The following ZYG11B variants were observed in gnomAD, a reference collection of about 807,000 sequenced individuals.
The protein encoded by ZYG11B is protein zyg-11 homolog B.
Under a neutral mutation model 82.4 loss-of-function variants are expected in ZYG11B, and 36 were observed. The ratio of observed to expected loss-of-function variants is 0.44; its 90% confidence interval spans 0.33 to 0.58. The LOEUF is 0.58. ZYG11B is among the 20% of genes least tolerant of loss of function. The pLI, the probability that ZYG11B is intolerant of heterozygous loss-of-function variation, is 0.02. For synonymous variants in ZYG11B, 303 were observed against 312.8 expected (o/e 0.97, Z 0.33); for missense variants, 552 against 895.6 (o/e 0.62, Z 4.90).
Position 52,821,921 on chromosome 1 carries a change from G to C in ZYG11B, c.*292G>C, listed in dbSNP as rs1330233525. On this transcript the variant is annotated 3_prime_UTR_variant, in exon 14 of 14. Transcript: ENST00000294353. ...TGAGATTCTACAGTTTTATGGTAAA[G>C]TTTGCACGAACCCTTAGGCCAGACT... 2 of 258,654 alleles carry C rather than the reference G, an allele frequency of 7.7e-6. No individual in the cohort carries two copies. 16.0% of individuals were successfully genotyped at this position (258,654 alleles called of 1,614,324 possible). A position where few individuals can be genotyped will look rare whatever the true frequency, so the allele number is the denominator to read the frequency against.
intron 12 of ZYG11B, among the ~76,000 whole-genome samples, chr1:52,814,236 G>C (rs1179906529): frequency 6.6e-6 from 1 of 152,138 alleles, no homozygotes; most frequent in East Asian, 1.9e-4. Context: ...GGCCAGGCTG[G>C]TCTTGAACTC....
chr1:52,819,500 ATT>A (rs947544761), intron 13 of ZYG11B, among the ~76,000 whole-genome samples: 2 of 152,056 alleles, frequency 1.3e-5, no homozygotes, highest in African/African-American at 2.4e-5. Flanking sequence ...ATAATAGTGC[ATT>A]TTTGGCTGGG....
Position 52,771,065 on chromosome 1 carries a change from T to C in ZYG11B, c.242T>C (p.Met81Thr). 6.2e-7 allele frequency: 1 copy of C among 1,614,076 alleles called. No individual in the cohort carries two copies. The change falls in exon 3 of 14, where the codon ATG becomes ACG. Residue 81 changes from methionine to threonine, a missense_variant. By Grantham distance (81) the Met-to-Thr change is moderately conservative. Transcript: ENST00000294353. This position sits in a 1 kb window ranked among gnomAD's most constrained non-coding sequence, Gnocchi z 5.4. ...GTGGGTATTTTTAGGGGCAACCAGA[T>C]GCGCTTAAAGCGAGCCTGCATTCGC... Reference protein sequence around the residue: ...GTVGIFRGNQMRLKRACIRKA... With the variant: ...GTVGIFRGNQTRLKRACIRKA...
intron 10 of ZYG11B, among the ~76,000 whole-genome samples, chr1:52,812,121 C>T (rs1294342545): frequency 6.6e-6 from 1 of 151,796 alleles, no homozygotes; most frequent in Middle Eastern, 3.2e-3. Context: ...TTTATAATAG[C>T]TGCTTTAAGT....
At chr1:52,776,229 A>AAAAAAAATATATATATATAT in intron 3 of ZYG11B, among the ~76,000 whole-genome samples, 4 of 23,540 alleles carry the variant, frequency 1.7e-4, no homozygotes, top group African/African-American at 2.8e-4. Flanking sequence ...TAAAAAAAAA[A>AAAAAAAATATATATATATAT]ATATATATAT....
At chr1:52,788,365 A>ACT (rs1644930763) in intron 5 of ZYG11B, among the ~76,000 whole-genome samples, 2 of 152,206 alleles carry the variant, frequency 1.3e-5, no homozygotes, top group South Asian at 4.1e-4. Flanking sequence ...CAAATGCAGT[A>ACT]AGGCATAGAT....
At chr1:52,818,857 G>A (rs923191253) in intron 13 of ZYG11B, among the ~76,000 whole-genome samples, 1 of 148,218 alleles carries the variant, frequency 6.7e-6, no homozygotes, top group Non-Finnish European at 1.5e-5. Flanking sequence ...GCAGTGACAC[G>A]ATCTCAGCTC....
At chr1:52,776,245 TGC>T (rs1222878842) in intron 3 of ZYG11B, among the ~76,000 whole-genome samples, 402 of 76,414 alleles carry the variant, frequency 5.3e-3, no homozygotes, top group Non-Finnish European at 8.7e-3. Flanking sequence ...TATATATATA[TGC>T]AATAAAGTTG....
intron 4 of ZYG11B, among the ~76,000 whole-genome samples, chr1:52,781,922 T>C (rs181744178): frequency 1.9e-4 from 29 of 152,176 alleles, no homozygotes; most frequent in African/African-American, 3.6e-4. Flanking sequence ...ACTTGGTATA[T>C]GAATTGTCTT....
At chr1:52,817,134 G>A (rs1315969301) in intron 13 of ZYG11B, among the ~76,000 whole-genome samples, 3 of 152,022 alleles carry the variant, frequency 2.0e-5, no homozygotes. Flanking sequence ...TGAGCATGGT[G>A]TAACTAGACA....
chr1:52,809,788 G>A (rs1432972680), intron 10 of ZYG11B, among the ~76,000 whole-genome samples: 1 of 151,928 alleles, frequency 6.6e-6, no homozygotes, highest in Non-Finnish European at 1.5e-5. Context: ...ATTTGTATGG[G>A]TTTATTGGCC....
chr1:52,733,171 ATTATC>A (rs562080047), intron 1 of ZYG11B, among the ~76,000 whole-genome samples: 8 of 152,142 alleles, frequency 5.3e-5, no homozygotes, highest in South Asian at 4.1e-4. Context: ...TGTACGTAAA[ATTATC>A]TTAAGTTACT....
chr1:52,781,628 G>A lies in ZYG11B; in HGVS notation c.1092+1635G>A, dbSNP rs535242926. ...TAATTCCAAGGTAATTCTTACGCACGTTCAATTTTGAAAACCAATGAGCTT... is the reference window on the plus strand; with the variant it reads ...TAATTCCAAGGTAATTCTTACGCACATTCAATTTTGAAAACCAATGAGCTT... On this transcript the variant is annotated intron_variant, in intron 4 of 13. Transcript: ENST00000294353. 2.0e-5 allele frequency among the ~76,000 whole-genome samples: 3 copies of A among 152,244 alleles called. No homozygotes were observed. In the South Asian group the frequency reaches 6.2e-4, roughly 32 times the overall value.
At chr1:52,757,441 C>T (rs995280890) in intron 2 of ZYG11B, among the ~76,000 whole-genome samples, 5 of 151,878 alleles carry the variant, frequency 3.3e-5, no homozygotes, top group African/African-American at 7.3e-5. Flanking sequence ...TTTGGGAGGC[C>T]GAGGCAGGTG....
At chr1:52,743,162 C>T (rs113854059) in intron 1 of ZYG11B, among the ~76,000 whole-genome samples, 5,879 of 151,936 alleles carry the variant, frequency 0.039, 360 homozygotes, top group African/African-American at 0.13. Flanking sequence ...GTTGCTGTGT[C>T]TGTGTAGAGG....
At chr1:52,797,376 TATATA>T (rs1645030857) in intron 8 of ZYG11B, among the ~76,000 whole-genome samples, 2 of 85,176 alleles carry the variant, frequency 2.3e-5, no homozygotes, top group Non-Finnish European at 4.3e-5. Flanking sequence ...TAATATATAA[TATATA>T]ATACATATAT....
At chr1:52,766,942 A>C (rs1644694951) in intron 2 of ZYG11B, among the ~76,000 whole-genome samples, 1 of 151,614 alleles carries the variant, frequency 6.6e-6, no homozygotes, top group Non-Finnish European at 1.5e-5. Context: ...CGGGAGGTAG[A>C]GCTTGCAGTG....
intron 1 of ZYG11B, among the ~76,000 whole-genome samples, chr1:52,729,127 G>A (rs1247351659): frequency 2.0e-5 from 3 of 152,124 alleles, no homozygotes; most frequent in Admixed American, 2.0e-4. Flanking sequence ...TCTCGTGAGG[G>A]CTCTTCCTAA....
Position 52,771,697 on chromosome 1 carries a change from C to T in ZYG11B, c.874C>T (p.Pro292Ser). 1.2e-6 allele frequency: 2 copies of T among 1,614,152 alleles called. No individual in the cohort carries two copies. Among genetic ancestry groups the T allele is most frequent in the African/African-American group, 1.3e-5 (1 of 75,034 alleles). The change falls in exon 3 of 14, where the codon CCA becomes TCA. Residue 292 changes from proline to serine, a missense_variant. Pro to Ser is a moderately conservative substitution (Grantham distance 74, BLOSUM62 -1). Around this residue, in one of 3 missense-constraint regions of ZYG11B, gnomAD observed 359 missense variants for 555.8 expected, o/e 0.65. Coordinates refer to ENST00000294353, the MANE Select transcript of ZYG11B (RefSeq NM_024646.3). This position sits in a 1 kb window ranked among gnomAD's most constrained non-coding sequence, Gnocchi z 5.4. ...KAVEAFIQQR[P>S]SMQFVGLLAT... ...CGTTGAAGCCTTTATACAACAACGTCCAAGCATGCAATTTGTAGGTTTGCT... is the reference window on the plus strand; with the variant it reads ...CGTTGAAGCCTTTATACAACAACGTTCAAGCATGCAATTTGTAGGTTTGCT...
Sources: allele counts gnomAD v4.1 joint callset (sites outside exome capture counted in the v4.1 genomes callset), GRCh38; gene constraint gnomAD v4.1.1; regional missense constraint gnomAD v4.1.1; non-coding constraint Gnocchi (gnomAD v3.1); transcripts MANE v1.5; gene names NCBI Gene and HGNC (gene_info 2026-07-23, HGNC 2026-07-21).